Variants in DIAPH2 observed in about 807,000 individuals in gnomAD.
DIAPH2 encodes protein diaphanous homolog 2.
DIAPH2 carries 35 observed loss-of-function variants against 92.7 expected under a neutral mutation model. The ratio of observed to expected loss-of-function variants is 0.38; its 90% CI spans 0.29 to 0.50. The LOEUF is 0.50. DIAPH2 is among the 20% of genes least tolerant of loss of function. The pLI, the probability that DIAPH2 is intolerant of heterozygous loss-of-function variation, is 0.94. For missense variants in DIAPH2, 701 were observed against 819.5 expected (o/e 0.86, Z 1.77); for synonymous variants, 301 against 280.4 (o/e 1.07, Z -0.73).
chrX:97,194,707 T>C (rs2067687570), intron 22 of DIAPH2, among the ~76,000 whole-genome samples: 1 of 112,083 alleles, frequency 8.9e-6, no homozygotes, highest in African/African-American at 3.2e-5. Context: ...GAGTTTAAGC[T>C]AGAATTAAGT....
At chrX:97,169,468 T>C (rs926607943) in intron 22 of DIAPH2, among the ~76,000 whole-genome samples, 1 of 111,472 alleles carries the variant, frequency 9.0e-6, no homozygotes, top group Non-Finnish European at 1.9e-5. Flanking sequence ...TAGGGGAACA[T>C]GTAGGAGGTT....
chrX:97,083,558 C>T (rs774856891), intron 19 of DIAPH2, among the ~76,000 whole-genome samples: 1 of 111,263 alleles, frequency 9.0e-6, no homozygotes, highest in Non-Finnish European at 1.9e-5. Flanking sequence ...GGATGTTTAG[C>T]AGTATCTGTG....
rs1480411118 is a variant in DIAPH2, at chrX:97,441,286, A to G, written c.3241+11541A>G. 2.7e-5 allele frequency among the ~76,000 whole-genome samples: 3 copies of G among 110,278 alleles called. No individual in the cohort carries two copies. The East Asian group carries it at 8.7e-4, about 32-fold the overall frequency. On this transcript the variant is annotated intron_variant, in intron 26 of 26. Coordinates refer to ENST00000324765, the MANE Select transcript of DIAPH2 (RefSeq NM_006729.5). ...CAAAATTAGCCGGGCATGGTGGTGC[A>G]TGCCTGTAATCCCAGCTACTCGGGA... is the stretch of plus-strand genomic sequence containing the variant.
At chrX:97,542,228 G>T (rs2071145716) in intron 26 of DIAPH2, among the ~76,000 whole-genome samples, 1 of 112,075 alleles carries the variant, frequency 8.9e-6, no homozygotes, top group Non-Finnish European at 1.9e-5. Flanking sequence ...TAACAGTTGT[G>T]TGGTAAGTTA....
intron 4 of DIAPH2, among the ~76,000 whole-genome samples, chrX:96,809,964 G>A (rs2064663113): frequency 8.9e-6 from 1 of 112,220 alleles, no homozygotes; most frequent in South Asian, 3.7e-4. Context: ...TGTGAATAGT[G>A]CCACAATAAA....
At chrX:96,741,749 G>A (rs1440213416) in intron 3 of DIAPH2, among the ~76,000 whole-genome samples, 2 of 111,643 alleles carry the variant, frequency 1.8e-5, no homozygotes, top group Admixed American at 9.5e-5. Context: ...CTCCCAAAGT[G>A]CTGGGATTAC....
At chrX:96,939,667 C>CTTTTTTTTTTTTTTT (rs2065689254) in intron 12 of DIAPH2, among the ~76,000 whole-genome samples, 1 of 52,763 alleles carries the variant, frequency 1.9e-5, no homozygotes. Context: ...CTTTAGGTAA[C>CTTTTTTTTTTTTTTT]ATTTTTTTTT....
At chrX:97,174,700 G>T (rs2067479234) in intron 22 of DIAPH2, among the ~76,000 whole-genome samples, 1 of 111,762 alleles carries the variant, frequency 8.9e-6, no homozygotes, top group South Asian at 3.7e-4. Context: ...ATTTCTACTG[G>T]TGTGTGTGTG....
intron 4 of DIAPH2, among the ~76,000 whole-genome samples, chrX:96,770,856 T>C (rs140443945): frequency 1.7e-3 from 191 of 112,381 alleles, no homozygotes; most frequent in African/African-American, 5.9e-3. Flanking sequence ...TTTCAGTCTT[T>C]TCTAATTTCA....
chrX:96,837,091 T>G (rs1979150391), intron 4 of DIAPH2, among the ~76,000 whole-genome samples: 2 of 110,781 alleles, frequency 1.8e-5, no homozygotes, highest in Admixed American at 1.9e-4. Context: ...AAAATTCACG[T>G]GTAAAATATC....
Position 97,141,762 on chromosome X carries a change from A to C in DIAPH2, c.2687A>C (p.Glu896Ala), listed in dbSNP as rs1482449909. 8.3e-7 allele frequency: 1 copy of C among 1,204,237 alleles called. No individual in the cohort carries two copies. The highest frequency in any genetic ancestry group is 3.0e-5 in the East Asian group (1 of 33,536). The change falls in exon 22 of 27, where the codon GAA (glutamate) becomes GCA (alanine). Residue 896 changes from glutamate (E) to alanine (A), a missense_variant. By Grantham distance (107) the Glu-to-Ala change is moderately radical. Transcript: ENST00000324765. Reference sequence around the variant, plus strand: ...TATCGAGATATCCTAAAATTTCCTGAAGAACTGGAACACGTAGAAAGTGCA... The same window carrying C: ...TATCGAGATATCCTAAAATTTCCTGCAGAACTGGAACACGTAGAAAGTGCA... The part of the protein sequence containing the change: ...EKYRDILKFP[E>A]ELEHVESASK...
At chrX:97,217,962 AAAGT>A (rs1232175643) in intron 22 of DIAPH2, among the ~76,000 whole-genome samples, 1 of 111,644 alleles carries the variant, frequency 9.0e-6, no homozygotes, top group Non-Finnish European at 1.9e-5. Flanking sequence ...AAAAAGAAAG[AAAGT>A]AACAACGCAA....
At chrX:97,162,384 T>C (rs1253706597) in intron 22 of DIAPH2, among the ~76,000 whole-genome samples, 1 of 112,292 alleles carries the variant, frequency 8.9e-6, no homozygotes, top group African/African-American at 3.2e-5. Flanking sequence ...CTCATAGGTT[T>C]ATTTTAGTAT....
chrX:97,025,665 A>G (rs981015687), intron 17 of DIAPH2, among the ~76,000 whole-genome samples: 3 of 111,434 alleles, frequency 2.7e-5, no homozygotes, highest in Non-Finnish European at 5.7e-5. Flanking sequence ...AACAAAACAA[A>G]CAAACAAACA....
intron 23 of DIAPH2, among the ~76,000 whole-genome samples, chrX:97,302,211 CAAAAAAAAA>C (rs35039257): frequency 3.7e-5 from 1 of 26,699 alleles, no homozygotes; most frequent in Non-Finnish European, 6.4e-5. Flanking sequence ...GACTCCATCT[CAAAAAAAAA>C]AAAAAAAAAA....
At chrX:97,108,041 G>C (rs754040075) in intron 20 of DIAPH2, among the ~76,000 whole-genome samples, 2 of 110,252 alleles carry the variant, frequency 1.8e-5, no homozygotes, top group East Asian at 5.7e-4. Flanking sequence ...TTGGGTAGTA[G>C]ATCAATATTC....
At chrX:96,735,467 C>G (rs1276343849) in intron 1 of DIAPH2, among the ~76,000 whole-genome samples, 1 of 111,149 alleles carries the variant, frequency 9.0e-6, no homozygotes, top group Non-Finnish European at 1.9e-5. Flanking sequence ...TTTGTTGTAT[C>G]TTTTCTCACA....
At position 96,918,526 on chromosome X, in the gene DIAPH2, G is replaced by A; in HGVS notation, c.887G>A (p.Gly296Glu). 1.7e-6 allele frequency: 2 copies of A among 1,198,085 alleles called. No individual in the cohort carries two copies. Among genetic ancestry groups the A allele is most frequent in the Non-Finnish European group, 2.3e-6 (2 of 887,190 alleles). ...CTCTACAGTCTAGATAAACTTTTAG[G>A]GGCTATAACAACAGCAGCAGAAAGA... ...GEENILDKLLGAITTAAERNN... is the reference protein window; with the variant it reads ...GEENILDKLLEAITTAAERNN... The change falls in exon 9 of 27, where the codon GGG (glycine) becomes GAG (glutamate). Residue 296 changes from glycine to glutamate, a missense_variant. Transcript: ENST00000324765.
chrX:96,975,633 A>T (rs2065955437), intron 17 of DIAPH2, among the ~76,000 whole-genome samples: 1 of 111,940 alleles, frequency 8.9e-6, no homozygotes, highest in Non-Finnish European at 1.9e-5. Flanking sequence ...AAAATACCAT[A>T]AATTGGGTAG....
Sources: allele counts gnomAD v4.1 joint callset (sites outside exome capture counted in the v4.1 genomes callset), GRCh38; gene constraint gnomAD v4.1.1; transcripts MANE v1.5; gene names NCBI Gene and HGNC (gene_info 2026-07-23, HGNC 2026-07-21).